The following ARHGAP42 variants were observed in gnomAD, a reference collection of about 807,000 sequenced individuals.
The protein encoded by ARHGAP42 is rho GTPase-activating protein 42.
In ARHGAP42, 63 loss-of-function variants were observed where a neutral mutation model predicts 125.0. The observed-to-expected ratio is 0.50, with a 90% CI of 0.41 to 0.62. The LOEUF is 0.62. ARHGAP42 is among the 20% of genes least tolerant of loss of function. ARHGAP42 has a pLI of 0.00. For synonymous variants in ARHGAP42, 339 were observed against 351.0 expected (o/e 0.97, Z 0.38); for missense variants, 766 against 1,024.2 (o/e 0.75, Z 3.44).
At chr11:100,710,910 G>A (rs775739569) in intron 1 of ARHGAP42, among the ~76,000 whole-genome samples, 1 of 152,118 alleles carries the variant, frequency 6.6e-6, no homozygotes, top group Non-Finnish European at 1.5e-5. Flanking sequence ...CACTTGTTCT[G>A]TTCAACCCTG....
At chr11:100,713,749 T>A (rs947753688) in intron 1 of ARHGAP42, among the ~76,000 whole-genome samples, 1 of 152,210 alleles carries the variant, frequency 6.6e-6, no homozygotes, top group African/African-American at 2.4e-5. Flanking sequence ...CTTTAGAGAT[T>A]TCTTTAGGGG....
chr11:100,910,344 T>C (rs1303999799), intron 4 of ARHGAP42, among the ~76,000 whole-genome samples: 1 of 152,298 alleles, frequency 6.6e-6, no homozygotes, highest in East Asian at 1.9e-4. Context: ...TCTACCTCAC[T>C]TCTCATCTTT....
chr11:100,931,070 AGCTTGAAGATAATTT>A (rs1867568041), intron 6 of ARHGAP42, among the ~76,000 whole-genome samples: 4 of 152,196 alleles, frequency 2.6e-5, no homozygotes, highest in Admixed American at 2.0e-4. Context: ...TCATACACAT[AGCTTGAAGATAATTT>A]TATTTTATAC....
chr11:100,819,240 A>G (rs1864349282), intron 3 of ARHGAP42, among the ~76,000 whole-genome samples: 1 of 152,164 alleles, frequency 6.6e-6, no homozygotes, highest in Admixed American at 6.6e-5. Context: ...GTCCACAGGC[A>G]AGTGAGGTTA....
intron 1 of ARHGAP42, among the ~76,000 whole-genome samples, chr11:100,724,316 G>A (rs1379837688): frequency 6.6e-6 from 1 of 152,032 alleles, no homozygotes; most frequent in Non-Finnish European, 1.5e-5. Flanking sequence ...TTCGTTGTTA[G>A]GGTAATACTG....
intron 3 of ARHGAP42, among the ~76,000 whole-genome samples, chr11:100,845,364 G>T (rs532565493): frequency 2.0e-5 from 3 of 152,050 alleles, no homozygotes; most frequent in African/African-American, 7.2e-5. Context: ...GGGTGGGAAG[G>T]GGGTGAGGGG....
At chr11:100,751,279 GTTT>G (rs71465331) in intron 1 of ARHGAP42, among the ~76,000 whole-genome samples, 8 of 93,470 alleles carry the variant, frequency 8.6e-5, no homozygotes, top group Admixed American at 2.3e-4. Context: ...GTGTGTGTGT[GTTT>G]TTTTTTTTTT....
chr11:100,824,571 A>G (rs1864473098), intron 3 of ARHGAP42, among the ~76,000 whole-genome samples: 1 of 152,226 alleles, frequency 6.6e-6, no homozygotes, highest in Non-Finnish European at 1.5e-5. Context: ...ATGATATATG[A>G]TGATGACTTT....
chr11:100,795,187 T>A, intron 3 of ARHGAP42, 21 bp downstream of exon 3: 1 of 1,496,902 alleles, frequency 6.7e-7, no homozygotes, highest in South Asian at 1.3e-5. Context: ...TCTGTATTTC[T>A]TAAGAATATT....
rs1867945014 is a variant in ARHGAP42 at position 100,943,772 on chromosome 11, C to G, written c.947C>G (p.Thr316Ser). 2 of 1,548,874 alleles carry G rather than the reference C, an allele frequency of 1.3e-6. No homozygotes were observed. The highest frequency in any genetic ancestry group is 1.4e-5 in the African/African-American group (1 of 73,008). ...TTCTTGTTTCAGAATGGCCTTGTTA[C>G]TAGCTCACCGGAAATGTTTAAATTA... ...KSSGKMNGLV[T>S]SSPEMFKLKS... The change falls in exon 10 of 24, where the codon ACT (threonine) becomes AGT (serine). Residue 316 changes from threonine (T) to serine (S), a missense_variant. Physicochemically the swap from Thr to Ser is moderately conservative, Grantham distance 58. Transcript: ENST00000298815.
chr11:100,843,339 A>C (rs2135115689), intron 3 of ARHGAP42, among the ~76,000 whole-genome samples: 1 of 152,160 alleles, frequency 6.6e-6, no homozygotes, highest in African/African-American at 2.4e-5. Flanking sequence ...TTACCAACAA[A>C]AAAAAAGTCC....
intron 2 of ARHGAP42, among the ~76,000 whole-genome samples, chr11:100,793,077 A>G (rs1044930879): frequency 1.3e-5 from 2 of 152,076 alleles, no homozygotes; most frequent in African/African-American, 4.8e-5. Context: ...TTTAAAAAAC[A>G]TACTTATTGT....
chr11:100,978,086 C>A (rs1309561192), intron 21 of ARHGAP42, among the ~76,000 whole-genome samples: 2 of 151,762 alleles, frequency 1.3e-5, no homozygotes, highest in East Asian at 1.9e-4. Flanking sequence ...TGTAGTTCTG[C>A]CCATTAAGGG....
chr11:100,801,700 T>C (rs1863855074), intron 3 of ARHGAP42, among the ~76,000 whole-genome samples: 1 of 152,104 alleles, frequency 6.6e-6, no homozygotes, highest in South Asian at 2.1e-4. Context: ...CCTGAGAAAA[T>C]AATGGAAAGT....
chr11:100,962,565 T>G, intron 16 of ARHGAP42, 98 bp downstream of exon 16: 1 of 1,133,872 alleles, frequency 8.8e-7, no homozygotes, highest in Non-Finnish European at 1.2e-6. Flanking sequence ...AAGATTTTTT[T>G]CAAGTATTGC....
chr11:100,801,423 GA>G (rs1863849128), intron 3 of ARHGAP42, among the ~76,000 whole-genome samples: 2 of 152,068 alleles, frequency 1.3e-5, no homozygotes, highest in Non-Finnish European at 2.9e-5. Context: ...ATATCGACTG[GA>G]TGCAGTTGCT....
intron 10 of ARHGAP42, among the ~76,000 whole-genome samples, chr11:100,947,322 A>C (rs2510626): frequency 0.88 from 133,897 of 151,786 alleles, 59,157 homozygotes; most frequent in East Asian, 1. Flanking sequence ...TTGCTGAACT[A>C]TTTATTAGTT....
At chr11:100,873,378 A>C (rs1350599241) in intron 4 of ARHGAP42, among the ~76,000 whole-genome samples, 1 of 152,128 alleles carries the variant, frequency 6.6e-6, no homozygotes, top group African/African-American at 2.4e-5. Context: ...TTTCTATTGC[A>C]TTTTACTCTA....
intron 22 of ARHGAP42, among the ~76,000 whole-genome samples, chr11:100,980,925 A>G (rs1242170654): frequency 1.3e-5 from 2 of 152,116 alleles, no homozygotes; most frequent in East Asian, 3.9e-4. Flanking sequence ...ATCAACTTTT[A>G]GTGGGGATCA....
Sources: allele counts gnomAD v4.1 joint callset (sites outside exome capture counted in the v4.1 genomes callset), GRCh38; gene constraint gnomAD v4.1.1; transcripts MANE v1.5; gene names NCBI Gene and HGNC (gene_info 2026-07-23, HGNC 2026-07-21).